Variants in TBL1XR1 observed in about 807,000 individuals in gnomAD.
TBL1XR1 encodes TBL1X/Y related 1.
Under a neutral mutation model 66.9 loss-of-function variants are expected in TBL1XR1, and 5 were observed. That is an observed-to-expected ratio of 0.07 (90% confidence interval 0.04 to 0.16). The LOEUF is 0.16. TBL1XR1 is among the 10% of genes least tolerant of loss of function. The pLI is 1.00. For missense variants in TBL1XR1, 238 were observed against 623.2 expected (o/e 0.38, Z 6.58); for synonymous variants, 210 against 206.0 (o/e 1.02, Z -0.17).
At chr3:177,112,107 A>ATATATATATATATATATTTT in intron 1 of TBL1XR1, among the ~76,000 whole-genome samples, 4 of 37,660 alleles carry the variant, frequency 1.1e-4, no homozygotes, top group African/African-American at 2.6e-4. Context: ...ATATATATAT[A>ATATATATATATATATATTTT]TTTTTTTTTT....
At chr3:177,186,330 GC>G (rs1338429742) in intron 1 of TBL1XR1, among the ~76,000 whole-genome samples, 1 of 152,172 alleles carries the variant, frequency 6.6e-6, no homozygotes, top group Admixed American at 6.5e-5. Context: ...GTGCCAAAGA[GC>G]ACTGCTACAG....
At chr3:177,200,397 G>C (rs1345778746), upstream of TBL1XR1, among the ~76,000 whole-genome samples, 1 of 152,094 alleles carries the variant, frequency 6.6e-6, no homozygotes, top group African/African-American at 2.4e-5. Flanking sequence ...TTATATTCTG[G>C]AAACTATCTG....
upstream of TBL1XR1, among the ~76,000 whole-genome samples, chr3:177,197,861 A>C (rs963189967): frequency 1.1e-4 from 15 of 140,790 alleles, no homozygotes; most frequent in South Asian, 7.7e-4. Flanking sequence ...CCCCGCCCCC[A>C]CCGCCGCGGG....
intron 5 of TBL1XR1, among the ~76,000 whole-genome samples, chr3:177,050,868 G>C (rs2108493894): frequency 6.6e-6 from 1 of 152,008 alleles, no homozygotes; most frequent in African/African-American, 2.4e-5. Flanking sequence ...TAAATGATTA[G>C]ACCTAAACAT....
chr3:177,079,232 C>T (rs761374299), intron 2 of TBL1XR1, among the ~76,000 whole-genome samples: 28 of 151,684 alleles, frequency 1.8e-4, no homozygotes, highest in Non-Finnish European at 2.9e-4. Flanking sequence ...GAGATCAAGA[C>T]CATCCTGGCT....
chr3:177,151,493 A>C (rs1730879795), intron 1 of TBL1XR1, among the ~76,000 whole-genome samples: 1 of 152,180 alleles, frequency 6.6e-6, no homozygotes. Flanking sequence ...TGAGGGACTT[A>C]GACTGTACGC....
chr3:177,132,359 T>A (rs987365193), intron 1 of TBL1XR1, among the ~76,000 whole-genome samples: 1 of 152,172 alleles, frequency 6.6e-6, no homozygotes, highest in Admixed American at 6.5e-5. Flanking sequence ...ACCTCACACT[T>A]AGCTCCTTCA....
intron 5 of TBL1XR1, 85 bp from the exon 6 acceptor site, chr3:177,050,695 T>C (rs1472209142): frequency 1.4e-6 from 2 of 1,466,234 alleles, no homozygotes; most frequent in Non-Finnish European, 1.9e-6. Flanking sequence ...AGCAAATACC[T>C]TCCTTTATCG....
chr3:177,074,373 C>T (rs1251027060), intron 2 of TBL1XR1, among the ~76,000 whole-genome samples: 1 of 152,164 alleles, frequency 6.6e-6, no homozygotes, highest in Non-Finnish European at 1.5e-5. Context: ...TTCCTTCTTT[C>T]CAAAGTCCTT....
intron 15 of TBL1XR1, chr3:177,026,003 T>C (rs1713069030): frequency 1.0e-5 from 3 of 288,436 alleles, no homozygotes; most frequent in Non-Finnish European, 1.9e-5. Flanking sequence ...AGGAACCAAC[T>C]GCCTCTAGTT....
intron 1 of TBL1XR1, among the ~76,000 whole-genome samples, chr3:177,178,585 G>C (rs913372538): frequency 6.6e-6 from 1 of 152,152 alleles, no homozygotes; most frequent in African/African-American, 2.4e-5. Flanking sequence ...AGCACACTAA[G>C]CAGGTAATTC....
chr3:177,033,203 C>T, intron 13 of TBL1XR1, 67 bp from the exon 14 acceptor site: 1 of 1,352,158 alleles, frequency 7.4e-7, no homozygotes. Flanking sequence ...TGCTCCCACC[C>T]AACCTCCCAT....
chr3:177,195,160 T>C (rs1341400799), intron 1 of TBL1XR1, among the ~76,000 whole-genome samples: 1 of 152,054 alleles, frequency 6.6e-6, no homozygotes, highest in Admixed American at 6.6e-5. Flanking sequence ...AATTTAATGA[T>C]TGCGATTACA....
chr3:177,112,290 T>C (rs547026589), intron 1 of TBL1XR1, among the ~76,000 whole-genome samples: 12 of 150,944 alleles, frequency 7.9e-5, no homozygotes, highest in East Asian at 4.0e-4. Context: ...GTATTTTTAG[T>C]AGAGGTGGGG....
chr3:177,039,908 C>A (rs1388816021), intron 10 of TBL1XR1, among the ~76,000 whole-genome samples: 2 of 152,170 alleles, frequency 1.3e-5, no homozygotes, highest in African/African-American at 4.8e-5. Context: ...TTTTTCACTA[C>A]AAGGGCAGAG....
At chr3:177,126,960 T>A (rs577092962) in intron 1 of TBL1XR1, among the ~76,000 whole-genome samples, 21 of 152,292 alleles carry the variant, frequency 1.4e-4, no homozygotes, top group Non-Finnish European at 2.4e-4. Context: ...AATGGCAGTT[T>A]TAGCAAAACC....
Position 177,022,435 on chromosome 3 carries a change from G to A in TBL1XR1, c.*3063C>T, listed in dbSNP as rs1310939587. The A allele has an allele frequency of 6.6e-6, 1 of 152,436 alleles. No homozygotes were observed. 9.4% of individuals were successfully genotyped at this position (152,436 alleles called of 1,614,324 possible). On this transcript the variant is annotated 3_prime_UTR_variant, in exon 16 of 16. Coordinates refer to ENST00000457928, the MANE Select transcript of TBL1XR1 (RefSeq NM_024665.7). ...AATGATGTTATCTGGTCAATGGCAG[G>A]AAATGGGAACTGGAACAAATATAAG... is the stretch of plus-strand genomic sequence containing the variant.
intron 1 of TBL1XR1, among the ~76,000 whole-genome samples, chr3:177,105,248 T>C (rs1724729975): frequency 6.6e-6 from 1 of 152,252 alleles, no homozygotes; most frequent in South Asian, 2.1e-4. Context: ...TTACAGTGCC[T>C]TTGAAATACG....
rs754019574 is a variant in TBL1XR1 at position 177,104,129 on chromosome 3, A to AAAAAGAGAG, written c.-121-5589_-121-5588insCTCTCTTTT. On this transcript the variant is annotated intron_variant, in intron 1 of 15. Coordinates refer to ENST00000457928, the MANE Select transcript of TBL1XR1 (RefSeq NM_024665.7). ...AGACTCGGTCTCCAAAAAAAAAAAA[A>AAAAAGAGAG]AGAGAGAGAGAGAAATATATAAGAA... Among the ~76,000 whole-genome samples, 282 of 141,208 alleles carry AAAAAGAGAG rather than the reference A, an allele frequency of 2.0e-3. 3 individuals are homozygous for AAAAAGAGAG. The highest frequency in any genetic ancestry group is 7.0e-3 in the East Asian group (33 of 4,728). The allele number at this position is 141,208 out of a possible 152,430, so 92.6% of individuals were successfully genotyped here.
Sources: gnomAD v4.1 joint callset for allele counts (sites outside exome capture counted in the v4.1 genomes callset) on GRCh38, gnomAD v4.1.1 for gene constraint, MANE v1.5 for transcripts, NCBI Gene and HGNC (gene_info 2026-07-23, HGNC 2026-07-21) for gene names.